PLA2G4A: variants seen among roughly 807,000 people sequenced by gnomAD.
PLA2G4A encodes the protein cytosolic phospholipase A2.
In PLA2G4A, 40 loss-of-function variants were observed where a neutral mutation model predicts 81.9. That is an observed-to-expected ratio of 0.49 (90% CI 0.38 to 0.64). The LOEUF (loss-of-function observed/expected upper bound fraction) is 0.64, where lower values mean the gene tolerates loss of function less well. PLA2G4A is among the 30% of genes least tolerant of loss of function. The pLI is 0.00. For missense variants in PLA2G4A, 715 were observed against 905.1 expected (o/e 0.79, Z 2.69); for synonymous variants, 302 against 296.9 (o/e 1.02, Z -0.18).
chr1:186,956,242 A>G lies in PLA2G4A; in HGVS notation c.1477A>G (p.Met493Val). ...ACGTGCTGGGAAGGTACACAACTTC[A>G]TGCTGGGCTTGAATCTCAATACATC... ...EGRAGKVHNF[M>V]LGLNLNTSYP... The change falls in exon 14 of 18, where the codon ATG becomes GTG. Residue 493 changes from methionine (M) to valine (V), a missense_variant. Transcript: ENST00000367466. 6.2e-7 allele frequency: 1 copy of G among 1,614,038 alleles called. No individual in the cohort carries two copies. The highest frequency in any genetic ancestry group is 8.5e-7 in the Non-Finnish European group (1 of 1,179,948).
chr1:186,937,265 G>C (rs1344501221), intron 8 of PLA2G4A, among the ~76,000 whole-genome samples: 3 of 150,946 alleles, frequency 2.0e-5, no homozygotes, highest in African/African-American at 4.9e-5. Flanking sequence ...GAGAGAGAGA[G>C]AGAGAGAGAG....
chr1:186,866,786 TATA>T (rs1175380918), intron 2 of PLA2G4A, among the ~76,000 whole-genome samples: 2 of 152,142 alleles, frequency 1.3e-5, no homozygotes, highest in African/African-American at 4.8e-5. Flanking sequence ...CATCATTATG[TATA>T]ATAATTATTA....
intron 1 of PLA2G4A, among the ~76,000 whole-genome samples, chr1:186,845,630 C>T (rs768811555): frequency 1.3e-5 from 2 of 152,022 alleles, no homozygotes; most frequent in Admixed American, 6.6e-5. Context: ...TCCCTCTTCC[C>T]GCCACATGCC....
chr1:186,861,272 G>A (rs1156699797), intron 2 of PLA2G4A, among the ~76,000 whole-genome samples: 1 of 152,132 alleles, frequency 6.6e-6, no homozygotes, highest in Non-Finnish European at 1.5e-5. Flanking sequence ...TTTGAAACAG[G>A]AGTGTGGTTT....
chr1:186,877,199 C>T (rs751554661), intron 3 of PLA2G4A, among the ~76,000 whole-genome samples: 5 of 152,026 alleles, frequency 3.3e-5, no homozygotes, highest in Admixed American at 6.6e-5. Flanking sequence ...GCAGACTACT[C>T]GCGTGTCCTG....
intron 2 of PLA2G4A, among the ~76,000 whole-genome samples, chr1:186,857,361 T>A (rs535562517): frequency 8.0e-6 from 1 of 124,510 alleles, no homozygotes; most frequent in African/African-American, 3.1e-5. Context: ...AAATATAATA[T>A]TATATTCATA....
At chr1:186,987,228 A>G (rs1231144257) in intron 17 of PLA2G4A, among the ~76,000 whole-genome samples, 1 of 152,264 alleles carries the variant, frequency 6.6e-6, no homozygotes, top group Non-Finnish European at 1.5e-5. Context: ...ATGCTTGCCC[A>G]GTGAGCTTGC....
At chr1:186,912,336 C>T (rs12720566) in intron 7 of PLA2G4A, among the ~76,000 whole-genome samples, 1,880 of 152,230 alleles carry the variant, frequency 0.012, 33 homozygotes, top group African/African-American at 0.042. Context: ...CCATAGTTTA[C>T]GCTAGGCTCA....
intron 14 of PLA2G4A, 152 bp downstream of exon 14, chr1:186,956,496 G>GTT: frequency 2.6e-6 from 2 of 778,066 alleles, no homozygotes; most frequent in Non-Finnish European, 2.2e-6. Flanking sequence ...AATGACTAGG[G>GTT]TTTTTTTTTT....
intron 5 of PLA2G4A, among the ~76,000 whole-genome samples, chr1:186,899,544 A>G (rs1558415762): frequency 6.6e-6 from 1 of 152,194 alleles, no homozygotes; most frequent in African/African-American, 2.4e-5. Context: ...AACCGTGCCT[A>G]GACAAGTTTG....
intron 3 of PLA2G4A, among the ~76,000 whole-genome samples, chr1:186,872,155 A>G (rs1177851459): frequency 6.6e-6 from 1 of 152,140 alleles, no homozygotes; most frequent in African/African-American, 2.4e-5. Context: ...TTTAAATTTT[A>G]TCTCAGACTT....
At chr1:186,921,945 C>T (rs1571404061) in intron 7 of PLA2G4A, among the ~76,000 whole-genome samples, 1 of 152,268 alleles carries the variant, frequency 6.6e-6, no homozygotes, top group South Asian at 2.1e-4. Context: ...ATACCTTTGA[C>T]ACAGGGACCT....
intron 14 of PLA2G4A, among the ~76,000 whole-genome samples, chr1:186,959,994 G>T (rs1656890939): frequency 6.6e-6 from 1 of 152,060 alleles, no homozygotes; most frequent in African/African-American, 2.4e-5. Flanking sequence ...ATTAAAATGT[G>T]GGTGTTTTAG....
At chr1:186,870,207 A>C (rs10489408) in intron 2 of PLA2G4A, among the ~76,000 whole-genome samples, 4,919 of 152,286 alleles carry the variant, frequency 0.032, 291 homozygotes, top group African/African-American at 0.11. Flanking sequence ...ACTGGACTGC[A>C]AAGAAGTGCT....
chr1:186,925,954 T>C lies in PLA2G4A; in HGVS notation c.559-6809T>C, dbSNP rs12720569. Among the ~76,000 whole-genome samples the C allele has an allele frequency of 3.4e-3, 517 of 152,312 alleles. 1 individual carries two copies. The highest frequency in any genetic ancestry group is 6.0e-3 in the Non-Finnish European group (409 of 68,010). ...CTTGGTGAATATTTTGTTGCATGCA[T>C]GAGGGCACAGATTTAGGCATTGCAT... On this transcript the variant is annotated intron_variant, in intron 7 of 17. Transcript: ENST00000367466.
intron 17 of PLA2G4A, among the ~76,000 whole-genome samples, chr1:186,979,990 C>T (rs1467965754): frequency 7.0e-6 from 1 of 143,672 alleles, no homozygotes; most frequent in Non-Finnish European, 1.5e-5. Flanking sequence ...CTCTGTCGCC[C>T]AGGCTGGAGT....
chr1:186,945,597 C>T (rs138333563), intron 10 of PLA2G4A, among the ~76,000 whole-genome samples: 32 of 152,136 alleles, frequency 2.1e-4, no homozygotes, highest in African/African-American at 4.6e-4. Flanking sequence ...AAACATACCT[C>T]GTGATAGAGC....
chr1:186,940,086 T>C lies in PLA2G4A; in HGVS notation c.1025T>C (p.Met342Thr), dbSNP rs1164621517. 6.4e-7 allele frequency: 1 copy of C among 1,553,962 alleles called. No individual in the cohort carries two copies. Among genetic ancestry groups the C allele is most frequent in the Non-Finnish European group, 8.9e-7 (1 of 1,125,230 alleles). The change falls in exon 10 of 18, where the codon ATG (methionine) becomes ACG (threonine). Residue 342 changes from methionine to threonine, a missense_variant. Met to Thr is a moderately conservative substitution (Grantham distance 81, BLOSUM62 -1). Coordinates refer to ENST00000367466, the MANE Select transcript of PLA2G4A (RefSeq NM_024420.3). ...GTCAAACCTGACGTTTCAGAGCTGA[T>C]GTTTGCAGGTATGCTGTTTCCTTTC... is the stretch of plus-strand genomic sequence containing the variant. ...LHVKPDVSEL[M>T]FADWVEFSPY... is the part of the protein sequence containing the mutation.
intron 9 of PLA2G4A, among the ~76,000 whole-genome samples, chr1:186,939,594 T>C (rs1292001005): frequency 1.3e-5 from 2 of 151,954 alleles, no homozygotes; most frequent in African/African-American, 2.4e-5. Flanking sequence ...TTTGCCTGAA[T>C]AGAGTCAAGA....
Sources: gnomAD v4.1 joint callset for allele counts (sites outside exome capture counted in the v4.1 genomes callset) on GRCh38, gnomAD v4.1.1 for gene constraint, MANE v1.5 for transcripts, NCBI Gene and HGNC (gene_info 2026-07-23, HGNC 2026-07-21) for gene names.